SLC4A10: variants seen among roughly 807,000 people sequenced by gnomAD.
The protein encoded by SLC4A10 is solute carrier family 4 member 10.
A neutral mutation model predicts 137.7 loss-of-function variants in SLC4A10; 42 were observed. The observed-to-expected ratio is 0.30, with a 90% CI of 0.24 to 0.39. SLC4A10 has a LOEUF of 0.39. Among genes scored for constraint, SLC4A10 ranks in the 10% least tolerant of loss-of-function variants. The probability of loss-of-function intolerance (pLI) is 1.00; values close to 1 mark genes in which losing one functional copy is unlikely to be tolerated. For synonymous variants in SLC4A10, 474 were observed against 464.1 expected (o/e 1.02, Z -0.27); for missense variants, 925 against 1,355.0 (o/e 0.68, Z 4.98).
rs769895344 is a variant in SLC4A10 at position 161,821,779 on chromosome 2, ATAATCT to A, written c.277+17190_277+17195del. Among the ~76,000 whole-genome samples the A allele has an allele frequency of 1.6e-3, 248 of 152,370 alleles. 1 individual carries two copies. The highest frequency in any genetic ancestry group is 2.7e-3 in the Admixed American group (41 of 15,302). On this transcript the variant is annotated intron_variant, in intron 3 of 26. Transcript: ENST00000446997. The stretch of plus-strand genomic sequence containing the variant: ...TTTGGAAAATTTACTGTATTGAAAC[ATAATCT>A]TAATCCCTTTTTAAGATGTTAAAAA...
intron 1 of SLC4A10, among the ~76,000 whole-genome samples, chr2:161,691,864 C>T (rs980327424): frequency 1.3e-5 from 2 of 152,008 alleles, no homozygotes; most frequent in Non-Finnish European, 2.9e-5. Context: ...ACAAAACATA[C>T]ATGAATGTTA....
At chr2:161,976,272 G>A (rs1398776832) in intron 24 of SLC4A10, among the ~76,000 whole-genome samples, 1 of 152,102 alleles carries the variant, frequency 6.6e-6, no homozygotes, top group Non-Finnish European at 1.5e-5. Context: ...CATTATCCAG[G>A]TTTAAAAAGG....
At chr2:161,642,131 G>T (rs557541617) in intron 1 of SLC4A10, among the ~76,000 whole-genome samples, 47 of 152,000 alleles carry the variant, frequency 3.1e-4, no homozygotes, top group African/African-American at 1.1e-3. Flanking sequence ...ATGGTAGCAT[G>T]GCCTGGTATA....
At chr2:161,869,658 A>C (rs1028240880) in intron 6 of SLC4A10, among the ~76,000 whole-genome samples, 2 of 151,630 alleles carry the variant, frequency 1.3e-5, no homozygotes, top group African/African-American at 4.8e-5. Context: ...TGCCTTGAGG[A>C]TATACACATT....
intron 23 of SLC4A10, among the ~76,000 whole-genome samples, chr2:161,966,910 CTTAAG>C (rs1697707890): frequency 6.6e-6 from 1 of 152,022 alleles, no homozygotes; most frequent in Non-Finnish European, 1.5e-5. Context: ...ATTCTAAAAT[CTTAAG>C]TTATCTATAT....
At chr2:161,969,918 G>A (rs1575921143) in intron 23 of SLC4A10, among the ~76,000 whole-genome samples, 1 of 152,142 alleles carries the variant, frequency 6.6e-6, no homozygotes, top group East Asian at 1.9e-4. Flanking sequence ...TTAGAGTGGG[G>A]CAAGCATATT....
chr2:161,976,067 C>A (rs1452013650), intron 24 of SLC4A10, among the ~76,000 whole-genome samples: 1 of 152,178 alleles, frequency 6.6e-6, no homozygotes, highest in Non-Finnish European at 1.5e-5. Context: ...ATGCGGAACC[C>A]ATTCTCTGTA....
chr2:161,956,043 A>G (rs547095916), intron 19 of SLC4A10, among the ~76,000 whole-genome samples: 9 of 152,354 alleles, frequency 5.9e-5, no homozygotes, highest in Non-Finnish European at 8.8e-5. Flanking sequence ...TCTGATCTTA[A>G]GAAACATATT....
chr2:161,851,999 G>C (rs572170768), intron 4 of SLC4A10, among the ~76,000 whole-genome samples: 1 of 152,174 alleles, frequency 6.6e-6, no homozygotes, highest in African/African-American at 2.4e-5. Context: ...AAGCAATCCT[G>C]CCATCTTAGC....
At chr2:161,924,605 A>T (rs190174476) in intron 15 of SLC4A10, among the ~76,000 whole-genome samples, 5 of 152,214 alleles carry the variant, frequency 3.3e-5, no homozygotes, top group Admixed American at 3.3e-4. Context: ...TTTGGAATTG[A>T]TTTATAGGTG....
chr2:161,895,200 G>A (rs1477654402), intron 11 of SLC4A10, among the ~76,000 whole-genome samples: 1 of 151,884 alleles, frequency 6.6e-6, no homozygotes, highest in African/African-American at 2.4e-5. Context: ...TACTGAGAAT[G>A]ATGATTTCCA....
At chr2:161,894,986 A>G (rs1173857251) in intron 11 of SLC4A10, among the ~76,000 whole-genome samples, 161 bp downstream of exon 11, 2 of 151,536 alleles carry the variant, frequency 1.3e-5, no homozygotes. Flanking sequence ...ATATGTATAC[A>G]TGTGCCATGC....
chr2:161,787,291 C>A (rs899683650), intron 2 of SLC4A10, among the ~76,000 whole-genome samples: 2 of 152,122 alleles, frequency 1.3e-5, no homozygotes, highest in Non-Finnish European at 2.9e-5. Flanking sequence ...AAAGCCACTG[C>A]TAGTCTGATG....
At chr2:161,817,575 T>C (rs1281905348) in intron 3 of SLC4A10, among the ~76,000 whole-genome samples, 1 of 152,204 alleles carries the variant, frequency 6.6e-6, no homozygotes, top group Non-Finnish European at 1.5e-5. Context: ...TCCTGAATGG[T>C]ATTGCCTAGG....
intron 1 of SLC4A10, among the ~76,000 whole-genome samples, chr2:161,691,910 G>C (rs2042043860): frequency 6.6e-6 from 1 of 152,084 alleles, no homozygotes; most frequent in Admixed American, 6.6e-5. Context: ...GGACATAATA[G>C]AAGTTCAAAT....
chr2:161,971,410 G>A (rs956938565), intron 23 of SLC4A10, among the ~76,000 whole-genome samples: 6 of 152,098 alleles, frequency 3.9e-5, no homozygotes, highest in African/African-American at 1.4e-4. Flanking sequence ...AAGGTTCTTG[G>A]GTATTATGTA....
intron 1 of SLC4A10, among the ~76,000 whole-genome samples, chr2:161,655,643 A>G (rs1008776102): frequency 1.3e-5 from 2 of 152,156 alleles, no homozygotes; most frequent in African/African-American, 4.8e-5. Flanking sequence ...AAGCTTTTCC[A>G]AAAAACAGAA....
intron 15 of SLC4A10, among the ~76,000 whole-genome samples, chr2:161,928,378 G>C (rs867204471): frequency 9.7e-6 from 1 of 102,794 alleles, no homozygotes; most frequent in Non-Finnish European, 1.9e-5. Context: ...GTTGTGGGGT[G>C]GGGGGAGGGG....
chr2:161,785,518 A>G (rs115912375), intron 2 of SLC4A10, among the ~76,000 whole-genome samples: 2,926 of 151,906 alleles, frequency 0.019, 62 homozygotes, highest in African/African-American at 0.055. Context: ...TTAAAAAGTC[A>G]TATGATATTT....
Sources: allele counts gnomAD v4.1 joint callset (sites outside exome capture counted in the v4.1 genomes callset), GRCh38; gene constraint gnomAD v4.1.1; transcripts MANE v1.5; gene names NCBI Gene and HGNC (gene_info 2026-07-23, HGNC 2026-07-21).